MICU1: variants seen among roughly 807,000 people sequenced by gnomAD.
MICU1 encodes calcium uptake protein 1, mitochondrial.
MICU1 carries 45 observed loss-of-function variants against 56.8 expected under a neutral mutation model. The observed-to-expected ratio is 0.79, with a 90% confidence interval of 0.62 to 1.02. The LOEUF is 1.02. MICU1 is among the 50% of genes least tolerant of loss of function. The pLI is 0.00. For synonymous variants in MICU1, 186 were observed against 195.1 expected (o/e 0.95, Z 0.39); for missense variants, 504 against 587.1 (o/e 0.86, Z 1.46).
At chr10:72,502,305 C>T (rs1867103555) in intron 6 of MICU1, among the ~76,000 whole-genome samples, 1 of 152,004 alleles carries the variant, frequency 6.6e-6, no homozygotes. Context: ...CAGGTATGTA[C>T]CACCATGCCC....
chr10:72,492,784 G>A (rs1341256504), intron 6 of MICU1, among the ~76,000 whole-genome samples: 1 of 51,716 alleles, frequency 1.9e-5, no homozygotes, highest in African/African-American at 7.4e-5. Flanking sequence ...AATAAAAATA[G>A]AATAGAATAA....
chr10:72,578,563 C>T (rs938326967), intron 1 of MICU1, among the ~76,000 whole-genome samples: 4 of 151,750 alleles, frequency 2.6e-5, no homozygotes, highest in African/African-American at 9.7e-5. Flanking sequence ...CCATGCCTGG[C>T]CCAATAAAGT....
At chr10:72,591,750 C>T (rs542109100) in intron 1 of MICU1, among the ~76,000 whole-genome samples, 5 of 152,026 alleles carry the variant, frequency 3.3e-5, no homozygotes, top group African/African-American at 9.7e-5. Context: ...AGGCCAGGTG[C>T]GGTGGCTCAC....
At chr10:72,577,268 G>T (rs1840771197) in intron 1 of MICU1, among the ~76,000 whole-genome samples, 1 of 152,088 alleles carries the variant, frequency 6.6e-6, no homozygotes, top group African/African-American at 2.4e-5. Flanking sequence ...CCAGCACTTT[G>T]GGAGGCCGAG....
intron 8 of MICU1, among the ~76,000 whole-genome samples, chr10:72,431,626 A>T (rs1278544558): frequency 6.6e-6 from 1 of 152,212 alleles, no homozygotes; most frequent in Non-Finnish European, 1.5e-5. Flanking sequence ...ATCATTCTGC[A>T]AAATAATCAC....
intron 3 of MICU1, among the ~76,000 whole-genome samples, chr10:72,562,020 C>T (rs1840309106): frequency 6.6e-6 from 1 of 152,118 alleles, no homozygotes; most frequent in South Asian, 2.1e-4. Context: ...GAAATCCATC[C>T]TTTTCATTGT....
chr10:72,556,129 A>T (rs1356530586), intron 3 of MICU1, among the ~76,000 whole-genome samples: 1 of 152,194 alleles, frequency 6.6e-6, no homozygotes, highest in Non-Finnish European at 1.5e-5. Flanking sequence ...AAGAGGTGAC[A>T]TAACCTAATC....
At chr10:72,526,559 G>T (rs1228071393) in intron 5 of MICU1, among the ~76,000 whole-genome samples, 1 of 152,124 alleles carries the variant, frequency 6.6e-6, no homozygotes, top group Non-Finnish European at 1.5e-5. Context: ...GCCTCCCAAA[G>T]TGCTGGGATT....
At chr10:72,592,783 C>CTTTTT (rs1264231748) in intron 1 of MICU1, among the ~76,000 whole-genome samples, 1 of 137,654 alleles carries the variant, frequency 7.3e-6, no homozygotes, top group Non-Finnish European at 1.6e-5. Flanking sequence ...ACTTTTCTTT[C>CTTTTT]TTTTTTTTTT....
At chr10:72,526,636 T>C (rs1038895626) in intron 5 of MICU1, among the ~76,000 whole-genome samples, 1 of 152,226 alleles carries the variant, frequency 6.6e-6, no homozygotes, top group African/African-American at 2.4e-5. Context: ...GTCTAAAGAC[T>C]ATAATGAGCA....
intron 6 of MICU1, among the ~76,000 whole-genome samples, chr10:72,484,686 T>C (rs1339704531): frequency 6.6e-6 from 1 of 151,742 alleles, no homozygotes; most frequent in Non-Finnish European, 1.5e-5. Context: ...CCTGGGGAGG[T>C]TGAGGCTGTG....
intron 6 of MICU1, among the ~76,000 whole-genome samples, chr10:72,478,932 A>G (rs1418897381): frequency 6.6e-6 from 1 of 152,128 alleles, no homozygotes; most frequent in African/African-American, 2.4e-5. Context: ...ACCATGACCC[A>G]GCCTTCAATT....
intron 3 of MICU1, among the ~76,000 whole-genome samples, chr10:72,562,383 A>C (rs571999439): frequency 2.0e-5 from 3 of 151,968 alleles, no homozygotes; most frequent in African/African-American, 4.8e-5. Flanking sequence ...TGAACTTCTG[A>C]CCTCAGGTGA....
intron 6 of MICU1, among the ~76,000 whole-genome samples, chr10:72,506,019 T>C (rs558851343): frequency 2.4e-4 from 35 of 144,546 alleles, no homozygotes; most frequent in Admixed American, 1.6e-3. Flanking sequence ...AAACTAGTGA[T>C]AAAGAGACTC....
At chr10:72,568,653 G>T (rs183893509) in intron 1 of MICU1, among the ~76,000 whole-genome samples, 1 of 151,482 alleles carries the variant, frequency 6.6e-6, no homozygotes, top group African/African-American at 2.4e-5. Context: ...ATAAATGTGT[G>T]TAACTGTAAG....
intron 8 of MICU1, among the ~76,000 whole-genome samples, chr10:72,444,734 C>T (rs1299201499): frequency 6.6e-6 from 1 of 152,312 alleles, no homozygotes; most frequent in South Asian, 2.1e-4. Flanking sequence ...CAGGCGTGAG[C>T]CACCATGCCC....
chr10:72,598,503 G>A (rs545500659), intron 1 of MICU1, among the ~76,000 whole-genome samples: 98 of 152,074 alleles, frequency 6.4e-4, no homozygotes, highest in African/African-American at 2.2e-3. Context: ...TGATCCACCC[G>A]CCTCAGCCTT....
At chr10:72,621,713 ATATATT>A (rs1455097932) in intron 1 of MICU1, among the ~76,000 whole-genome samples, 6 of 152,180 alleles carry the variant, frequency 3.9e-5, no homozygotes, top group Non-Finnish European at 8.8e-5. Context: ...CTAATACATA[ATATATT>A]TAAAGTTATA....
chr10:72,503,005 A>T (rs1164217012), intron 6 of MICU1: 1 of 154,310 alleles, frequency 6.5e-6, no homozygotes, highest in African/African-American at 2.4e-5. Context: ...CAGTAATGTC[A>T]AGTGACAGGA....
Sources: gnomAD v4.1 joint callset for allele counts (sites outside exome capture counted in the v4.1 genomes callset) on GRCh38, gnomAD v4.1.1 for gene constraint, MANE v1.5 for transcripts, NCBI Gene and HGNC (gene_info 2026-07-23, HGNC 2026-07-21) for gene names.